Variants in SANBR observed in about 807,000 individuals in gnomAD.
SANBR encodes SANT and BTB domain regulator of CSR, also known as SANT and BTB domain regulator of class switch recombination.
In SANBR, 77 loss-of-function variants were observed where a neutral mutation model predicts 101.8. The ratio of observed to expected loss-of-function variants is 0.76; its 90% CI spans 0.63 to 0.91. The LOEUF (loss-of-function observed/expected upper bound fraction) is 0.91, where lower values mean the gene tolerates loss of function less well. Among genes scored for constraint, SANBR ranks in the 40% least tolerant of loss-of-function variants. The pLI is 0.00. For synonymous variants in SANBR, 279 were observed against 274.7 expected (o/e 1.02, Z -0.15); for missense variants, 875 against 853.0 (o/e 1.03, Z -0.32).
chr2:61,102,537 T>G (rs1433477828), intron 12 of SANBR, among the ~76,000 whole-genome samples: 2 of 148,216 alleles, frequency 1.3e-5, no homozygotes, highest in Non-Finnish European at 3.0e-5. Context: ...ATGACTAAAT[T>G]TTTTTTTTTT....
At position 61,094,021 on chromosome 2, in the gene SANBR, C is replaced by T. The variant is rs547419441; in HGVS notation, c.1212+1434C>T. ...CCCAGTAATTTTCCTCTGTCACTTG[C>T]GTAATGATTTTCAATAGAGGGAAGG... is the stretch of plus-strand genomic sequence containing the variant. On this transcript the variant is annotated intron_variant, in intron 11 of 21. Transcript: ENST00000402291. The T allele has an allele frequency of 6.9e-5, 62 of 894,244 alleles. 2 individuals carry two copies. The South Asian group carries it at 1.9e-3, about 27-fold the overall frequency. 55.4% of individuals were successfully genotyped at this position (894,244 alleles called of 1,614,324 possible). A position where few individuals can be genotyped will look rare whatever the true frequency, so the allele number is the denominator to read the frequency against.
At chr2:61,073,732 A>G (rs1681606958) in intron 5 of SANBR, among the ~76,000 whole-genome samples, 181 bp downstream of exon 5, 1 of 151,980 alleles carries the variant, frequency 6.6e-6, no homozygotes, top group South Asian at 2.1e-4. Context: ...TTATTTATAA[A>G]TTGGATTACA....
rs1438861445 is a variant in SANBR at position 61,097,812 on chromosome 2, A to T, written c.1325A>T (p.Asn442Ile). The part of the protein sequence containing the change: ...TVGTGIYPCC[N>I]QKVLRFDPTQ... ...GGCACTGGAATTTATCCCTGCTGTA[A>T]CCAAAAGGTTCTTCGGTTTGATCCT... Residue 442 changes from asparagine to isoleucine, a missense_variant, in exon 12 of 22, where the codon AAC becomes ATC. By Grantham distance (149) the Asn-to-Ile change is moderately radical. Coordinates refer to ENST00000402291, the MANE Select transcript of SANBR (RefSeq NM_001129993.3). 3 of 1,613,464 alleles carry T rather than the reference A, an allele frequency of 1.9e-6. No homozygotes were observed. The South Asian group carries it at 3.3e-5, about 18-fold the overall frequency.
At chr2:61,117,050 C>G in intron 17 of SANBR, 1 of 371,990 alleles carries the variant, frequency 2.7e-6, no homozygotes, top group South Asian at 2.7e-5. Flanking sequence ...GAGTGAGACC[C>G]TGTCTTCAAA....
At position 61,121,190 on chromosome 2, in the gene SANBR, A is replaced by G; in HGVS notation, c.2034A>G (p.Ala678=). ...ATTGCTTCTTTATTCTGCAGTTTGC[A>G]GGAGGTATTTATTCCAGGCTGGAAG... ...RVKSKEAKEF[A]GGIYSRLEAQ... The change falls in exon 21 of 22, where the codon GCA becomes GCG. Residue 678 remains alanine (A), a synonymous_variant. Transcript: ENST00000402291. 6.5e-7 allele frequency: 1 copy of G among 1,550,068 alleles called. No individual in the cohort carries two copies. The highest frequency in any genetic ancestry group is 8.7e-7 in the Non-Finnish European group (1 of 1,145,644).
intron 14 of SANBR, 132 bp from the exon 15 acceptor site, chr2:61,108,185 T>C (rs1299783457): frequency 2.0e-6 from 1 of 488,104 alleles, no homozygotes; most frequent in Non-Finnish European, 3.6e-6. Flanking sequence ...GCCTGAGTTT[T>C]AAATTATGTT....
intron 20 of SANBR, among the ~76,000 whole-genome samples, chr2:61,119,403 T>C (rs1385529159): frequency 4.6e-5 from 7 of 152,142 alleles, no homozygotes; most frequent in Non-Finnish European, 1.0e-4. Context: ...AATTTCTACT[T>C]TTCAAAAGAC....
At chr2:61,127,610 T>A (rs1265715283), downstream of SANBR, among the ~76,000 whole-genome samples, 1 of 152,228 alleles carries the variant, frequency 6.6e-6, no homozygotes, top group Non-Finnish European at 1.5e-5. Flanking sequence ...CCAAAGTGAT[T>A]AGGTAACTGT....
At position 61,073,097 on chromosome 2, in the gene SANBR, C is replaced by T. The variant is rs577164573; in HGVS notation, c.338-361C>T. Among the ~76,000 whole-genome samples the T allele has an allele frequency of 2.0e-5, 3 of 152,174 alleles. No individual in the cohort carries two copies. The South Asian group carries it at 6.2e-4, about 32-fold the overall frequency. ...GGAAATAATAACTGGTTTTAGAAAT[C>T]CTCTGAGTGTAGCGAGTTATTTTAA... On this transcript the variant is annotated intron_variant, in intron 4 of 21. Coordinates refer to ENST00000402291, the MANE Select transcript of SANBR (RefSeq NM_001129993.3).
chr2:61,076,848 C>G (rs1175407932), intron 5 of SANBR, 72 bp from the exon 6 acceptor site: 9 of 1,069,426 alleles, frequency 8.4e-6, no homozygotes, highest in Non-Finnish European at 1.3e-5. Context: ...CTTCCCTTCA[C>G]TAAATGTCAG....
intron 6 of SANBR, among the ~76,000 whole-genome samples, chr2:61,079,360 A>T (rs116807112): frequency 6.6e-6 from 1 of 152,220 alleles, no homozygotes; most frequent in Non-Finnish European, 1.5e-5. Flanking sequence ...GTATGATCAC[A>T]CTTGTGGTTT....
chr2:61,124,629 C>G (rs1684459902), downstream of SANBR, among the ~76,000 whole-genome samples: 1 of 151,524 alleles, frequency 6.6e-6, no homozygotes, highest in South Asian at 2.1e-4. Context: ...TTGCTTGAGC[C>G]TGAGAGTGCA....
At chr2:61,088,539 A>T in intron 10 of SANBR, 71 bp downstream of exon 10, 3 of 1,012,664 alleles carry the variant, frequency 3.0e-6, no homozygotes, top group Non-Finnish European at 4.2e-6. Context: ...GTTGTTTTGG[A>T]GACGGAGTCT....
intron 1 of SANBR, among the ~76,000 whole-genome samples, chr2:61,068,306 CTT>C (rs534330101): frequency 1.3e-3 from 200 of 152,254 alleles, no homozygotes; most frequent in Non-Finnish European, 2.4e-3. Context: ...ATGACCAACT[CTT>C]TAAAAAACAA....
chr2:61,080,230 A>G (rs1039044191), intron 6 of SANBR, among the ~76,000 whole-genome samples: 1 of 150,746 alleles, frequency 6.6e-6, no homozygotes, highest in African/African-American at 2.4e-5. Flanking sequence ...AAAGCTAGTC[A>G]TTCTGTTATC....
chr2:61,086,486 AGAG>A (rs780932831), intron 8 of SANBR, among the ~76,000 whole-genome samples: 67 of 152,288 alleles, frequency 4.4e-4, no homozygotes, highest in African/African-American at 1.6e-3. Flanking sequence ...GAGATGCAGC[AGAG>A]GAGAAGTAGC....
chr2:61,100,295 G>A (rs1683222243), intron 12 of SANBR, among the ~76,000 whole-genome samples: 1 of 152,164 alleles, frequency 6.6e-6, no homozygotes, highest in Non-Finnish European at 1.5e-5. Flanking sequence ...AGTAGAGATG[G>A]AGTCTCACCA....
chr2:61,078,256 C>T (rs1200181951), intron 6 of SANBR, among the ~76,000 whole-genome samples: 2 of 152,174 alleles, frequency 1.3e-5, no homozygotes, highest in African/African-American at 4.8e-5. Context: ...GAAAAGTTCA[C>T]TGATACAGTT....
chr2:61,083,048 G>A (rs1234314300), intron 7 of SANBR, 106 bp from the exon 8 acceptor site: 1 of 891,342 alleles, frequency 1.1e-6, no homozygotes, highest in Admixed American at 2.5e-5. Flanking sequence ...TTAGTGCCTA[G>A]CAATATATGG....
Sources: allele counts gnomAD v4.1 joint callset (sites outside exome capture counted in the v4.1 genomes callset), GRCh38; gene constraint gnomAD v4.1.1; transcripts MANE v1.5; gene names NCBI Gene and HGNC (gene_info 2026-07-23, HGNC 2026-07-21).